The following GARIN1B variants were observed in gnomAD, a reference collection of about 807,000 sequenced individuals.
GARIN1B encodes golgi associated RAB2 interactor 1B.
the GARIN1B span, among the ~76,000 whole-genome samples, chr7:128,721,493 G>T: frequency 1.3e-5 from 2 of 151,248 alleles, no homozygotes; most frequent in Admixed American, 1.3e-4. Flanking sequence ...GATTCCTTGG[G>T]ATCTTCTACA....
chr7:128,725,001 A>G, the GARIN1B span: 1 of 665,620 alleles, frequency 1.5e-6, no homozygotes, highest in East Asian at 7.0e-5. Flanking sequence ...AACGCCATCC[A>G]GATGTCAGGA....
chr7:128,712,955 G>A, the GARIN1B span, among the ~76,000 whole-genome samples: 1 of 152,174 alleles, frequency 6.6e-6, no homozygotes, highest in African/African-American at 2.4e-5. Context: ...GCCAGGAAAT[G>A]TAATCTTTCT....
At chr7:128,711,493 C>G in the GARIN1B span, among the ~76,000 whole-genome samples, 2 of 151,772 alleles carry the variant, frequency 1.3e-5, no homozygotes, top group Non-Finnish European at 2.9e-5. Context: ...GATAAGCCAG[C>G]TGTAGTAATA....
At chr7:128,718,592 G>A in the GARIN1B span, among the ~76,000 whole-genome samples, 7,571 of 152,170 alleles carry the variant, frequency 0.05, 260 homozygotes, top group Middle Eastern at 0.11. Context: ...CAAATTCCAG[G>A]GCCACACCCA....
At chr7:128,730,595 T>C in the GARIN1B span, among the ~76,000 whole-genome samples, 4 of 152,214 alleles carry the variant, frequency 2.6e-5, no homozygotes, top group Non-Finnish European at 5.9e-5. Context: ...TAGATTTCCC[T>C]AAAAGGGAGG....
chr7:128,718,825 C>A, the GARIN1B span: 1 of 1,612,316 alleles, frequency 6.2e-7, no homozygotes, highest in Admixed American at 1.7e-5. Context: ...TCCCTGGTGG[C>A]TTCAGGATTC....
At chr7:128,718,963 C>T in the GARIN1B span, 1 of 1,614,190 alleles carries the variant, frequency 6.2e-7, no homozygotes, top group Non-Finnish European at 8.5e-7. Context: ...TCTTCCACTT[C>T]TGGATCCGAC....
chr7:128,709,830 C>G, the GARIN1B span, among the ~76,000 whole-genome samples: 104 of 150,664 alleles, frequency 6.9e-4, no homozygotes, highest in Non-Finnish European at 1.0e-3. Flanking sequence ...CAGCTCACTG[C>G]AACCTCTGCC....
the GARIN1B span, among the ~76,000 whole-genome samples, chr7:128,709,401 G>T: frequency 6.6e-6 from 1 of 151,968 alleles, no homozygotes; most frequent in Non-Finnish European, 1.5e-5. Flanking sequence ...AATGTTTAGT[G>T]GTCCAACTAA....
the GARIN1B span, among the ~76,000 whole-genome samples, chr7:128,713,554 T>G: frequency 6.6e-6 from 1 of 152,158 alleles, no homozygotes; most frequent in East Asian, 1.9e-4. Context: ...AGAGTGATCC[T>G]CCCAGGAGCC....
chr7:128,728,452 A>G, the GARIN1B span, among the ~76,000 whole-genome samples: 2 of 151,842 alleles, frequency 1.3e-5, no homozygotes, highest in African/African-American at 4.8e-5. Flanking sequence ...AAAAAAAAAA[A>G]ATGGATAAAG....
the GARIN1B span, among the ~76,000 whole-genome samples, chr7:128,712,640 A>C: frequency 6.6e-6 from 1 of 152,262 alleles, no homozygotes; most frequent in Non-Finnish European, 1.5e-5. Flanking sequence ...CTTTAGCCTC[A>C]AACCAAAGGA....
At chr7:128,718,971 G>A in the GARIN1B span, 11 of 1,614,048 alleles carry the variant, frequency 6.8e-6, no homozygotes, top group East Asian at 4.5e-5. Flanking sequence ...TTCTGGATCC[G>A]ACTGGTTCAA....
chr7:128,715,625 G>C, the GARIN1B span: 1 of 1,614,160 alleles, frequency 6.2e-7, no homozygotes. Context: ...GCTCTGCCGG[G>C]TGGTTCATTC....
the GARIN1B span, chr7:128,726,801 A>C: frequency 6.2e-7 from 1 of 1,613,144 alleles, no homozygotes; most frequent in South Asian, 1.1e-5. Context: ...TTCAACTTTC[A>C]TTTCCTTGAT....
chr7:128,712,053 C>G, the GARIN1B span, among the ~76,000 whole-genome samples: 1 of 148,262 alleles, frequency 6.7e-6, no homozygotes, highest in African/African-American at 2.4e-5. Flanking sequence ...AAAACAAAAA[C>G]AAAAACAAAA....
the GARIN1B span, chr7:128,726,746 T>C: frequency 6.6e-7 from 1 of 1,518,956 alleles, no homozygotes; most frequent in Non-Finnish European, 9.1e-7. Context: ...TCAGGAACTT[T>C]GGAACAAGAT....
At chr7:128,723,417 G>A in the GARIN1B span, 460 of 1,470,850 alleles carry the variant, frequency 3.1e-4, 1 homozygote, top group Non-Finnish European at 4.1e-4. Flanking sequence ...GTTAATGAGC[G>A]CAGGGTTTTA....
At chr7:128,714,966 A>G in the GARIN1B span, among the ~76,000 whole-genome samples, 2 of 152,232 alleles carry the variant, frequency 1.3e-5, no homozygotes, top group Non-Finnish European at 2.9e-5. Flanking sequence ...CATAACCTGC[A>G]GATCCACCAG....
Sources: gnomAD v4.1 joint callset for allele counts (sites outside exome capture counted in the v4.1 genomes callset) on GRCh38, gnomAD v4.1.1 for gene constraint, MANE v1.5 for transcripts, NCBI Gene and HGNC (gene_info 2026-07-23, HGNC 2026-07-21) for gene names.